Variants in PRH1 observed in about 807,000 individuals in gnomAD.
The protein encoded by PRH1 is salivary acidic proline-rich phosphoprotein 1/2.
A neutral mutation model predicts 7.9 loss-of-function variants in PRH1; 7 were observed. That is an observed-to-expected ratio of 0.89 (90% CI 0.50 to 1.67). PRH1 has a LOEUF of 1.67. PRH1 is among the 40% of genes most tolerant of loss of function. The pLI, the probability that PRH1 is intolerant of heterozygous loss-of-function variation, is 0.00. For synonymous variants in PRH1, 45 were observed against 80.8 expected, an observed-to-expected ratio of 0.56 and a Z score of 2.38; for missense variants, 109 against 223.6, an observed-to-expected ratio of 0.49 and a Z score of 3.27.
chr12:11,152,178 C>G (rs1421899222), intron 1 of PRH1, among the ~76,000 whole-genome samples: 1 of 150,350 alleles, frequency 6.7e-6, no homozygotes, highest in Non-Finnish European at 1.5e-5. Flanking sequence ...GTGTGCAGCA[C>G]CCATTAACTC....
intron 2 of PRH1, among the ~76,000 whole-genome samples, chr12:10,956,196 T>C (rs182578567): frequency 1.8e-3 from 279 of 152,248 alleles, no homozygotes; most frequent in Non-Finnish European, 2.8e-3. Flanking sequence ...GCAAGTTGAA[T>C]CCAGCAGCAC....
chr12:10,884,940 T>A (rs1949468114), upstream of PRH1, among the ~76,000 whole-genome samples: 1 of 152,176 alleles, frequency 6.6e-6, no homozygotes, highest in African/African-American at 2.4e-5. Context: ...ATTTGTATTT[T>A]AAAAATATCT....
chr12:10,975,629 GTT>G (rs1939054459), intron 1 of PRH1, among the ~76,000 whole-genome samples: 1 of 152,142 alleles, frequency 6.6e-6, no homozygotes, highest in African/African-American at 2.4e-5. Flanking sequence ...AGAGTGGCAG[GTT>G]GGATAAAAAA....
intron 1 of PRH1, among the ~76,000 whole-genome samples, chr12:11,007,764 A>T (rs1940894281): frequency 6.6e-6 from 1 of 152,056 alleles, no homozygotes; most frequent in Admixed American, 6.6e-5. Flanking sequence ...CTAGTACACC[A>T]TTCCCAGAAG....
chr12:11,151,225 C>A (rs1947070517), intron 1 of PRH1, among the ~76,000 whole-genome samples: 1 of 151,712 alleles, frequency 6.6e-6, no homozygotes, highest in Non-Finnish European at 1.5e-5. Context: ...CACAAATGCA[C>A]ACGAAGTTGC....
chr12:11,170,550 AAAC>A (rs900010177), intron 1 of PRH1, among the ~76,000 whole-genome samples: 1 of 152,214 alleles, frequency 6.6e-6, no homozygotes, highest in Non-Finnish European at 1.5e-5. Flanking sequence ...CCCGTCTCAA[AAAC>A]AACAACAAAA....
At chr12:11,156,475 A>G (rs1947252061) in intron 1 of PRH1, among the ~76,000 whole-genome samples, 1 of 152,194 alleles carries the variant, frequency 6.6e-6, no homozygotes, top group South Asian at 2.1e-4. Context: ...CTCCAAAAGT[A>G]TGTTAAGCCT....
chr12:10,963,230 C>T (rs925291982), intron 2 of PRH1, among the ~76,000 whole-genome samples: 5 of 151,954 alleles, frequency 3.3e-5, no homozygotes, highest in Non-Finnish European at 5.9e-5. Context: ...TGTTTAATGA[C>T]GTTATACATT....
intron 2 of PRH1, chr12:10,908,187 T>C: frequency 2.1e-6 from 1 of 476,030 alleles, no homozygotes. Flanking sequence ...CCTAATAATG[T>C]AGAAATACAT....
intron 1 of PRH1, among the ~76,000 whole-genome samples, chr12:11,122,558 T>G (rs1945944866): frequency 6.6e-6 from 1 of 152,286 alleles, no homozygotes; most frequent in Non-Finnish European, 1.5e-5. Context: ...TGTCAAAGTT[T>G]TGTCATATGA....
At chr12:11,146,522 T>C (rs1946865996) in intron 1 of PRH1, among the ~76,000 whole-genome samples, 1 of 152,148 alleles carries the variant, frequency 6.6e-6, no homozygotes, top group Non-Finnish European at 1.5e-5. Flanking sequence ...AATGCCTAGA[T>C]GTATAATTAG....
chr12:10,936,540 C>G (rs1267268609), intron 2 of PRH1, among the ~76,000 whole-genome samples: 1 of 152,102 alleles, frequency 6.6e-6, no homozygotes, highest in African/African-American at 2.4e-5. Context: ...CCAAAACTTT[C>G]CTTTATGTTC....
At position 10,997,635 on chromosome 12, in the gene PRH1, T is replaced by C. The variant is rs1940350259; in HGVS notation, c.-125-23914A>G. ...GCCCAGGCATTAGAAATAAAAATTA[T>C]TACTTTTAAATTAGATGAAGTTGGA... On this transcript the variant is annotated intron_variant, in intron 1 of 3. Transcript: ENST00000539853. 1.9e-6 allele frequency: 3 copies of C among 1,613,610 alleles called. No homozygotes were observed. The East Asian group carries it at 6.7e-5, about 36-fold the overall frequency.
intron 1 of PRH1, among the ~76,000 whole-genome samples, chr12:11,143,072 G>T (rs551599955): frequency 4.6e-5 from 7 of 152,038 alleles, no homozygotes; most frequent in African/African-American, 1.7e-4. Flanking sequence ...TGTAAATGTG[G>T]TGTGTAAACC....
At chr12:11,167,377 C>T (rs1281571498) in intron 1 of PRH1, among the ~76,000 whole-genome samples, 1 of 151,992 alleles carries the variant, frequency 6.6e-6, no homozygotes, top group Non-Finnish European at 1.5e-5. Context: ...TACTGAAATG[C>T]CAGAGAACTC....
In PRH1 at chr12:11,091,041, G is replaced by T. The variant is rs72477445; in HGVS notation, n.124-43853C>A. Among the ~76,000 whole-genome samples, 638 of 82,402 alleles carry T rather than the reference G, an allele frequency of 7.7e-3. 120 individuals carry two copies. The East Asian group carries it at 0.16, about 21-fold the overall frequency. 54.1% of individuals were successfully genotyped at this position (82,402 alleles called of 152,430 possible). On this transcript the variant is annotated intron_variant and non_coding_transcript_variant, in intron 1 of 4. Coordinates refer to the PRH1 transcript ENST00000541977. Reference sequence around the variant, plus strand: ...CATATTTTGTATAATTTGGCAGTTTGTATGAAAAAACAGAAAAGAGCATGT... The same window carrying T: ...CATATTTTGTATAATTTGGCAGTTTTTATGAAAAAACAGAAAAGAGCATGT...
upstream of PRH1, chr12:10,884,333 T>A: frequency 6.9e-6 from 9 of 1,296,038 alleles, no homozygotes; most frequent in South Asian, 1.1e-4. Context: ...GTGGGCCTCC[T>A]CGCCTCAGAG....
intron 1 of PRH1, among the ~76,000 whole-genome samples, chr12:11,092,606 G>C (rs1383836007): frequency 2.6e-5 from 3 of 114,506 alleles, no homozygotes; most frequent in African/African-American, 8.8e-5. Flanking sequence ...TAGAGCGATT[G>C]GTGCATTTTA....
rs184541836 is a variant in PRH1 at position 11,090,072 on chromosome 12, A to G, written n.124-42884T>C. The stretch of plus-strand genomic sequence containing the variant: ...TTAGCCACCCATTTATTTGTTCATT[A>G]AAGTATTAATGAACGTAATAGAATT... On this transcript the variant is annotated intron_variant and non_coding_transcript_variant, in intron 1 of 4. Transcript: ENST00000541977. Among the ~76,000 whole-genome samples the G allele has an allele frequency of 3.9e-4, 45 of 116,600 alleles. 12 individuals are homozygous for G. The Middle Eastern group carries it at 0.019, about 50-fold the overall frequency. 76.5% of individuals were successfully genotyped at this position (116,600 alleles called of 152,430 possible). A position where few individuals can be genotyped will look rare whatever the true frequency, so the allele number is the denominator to read the frequency against.
Sources: gnomAD v4.1 joint callset for allele counts (sites outside exome capture counted in the v4.1 genomes callset) on GRCh38, gnomAD v4.1.1 for gene constraint, MANE v1.5 for transcripts, NCBI Gene and HGNC (gene_info 2026-07-23, HGNC 2026-07-21) for gene names.